Variants in LAMA4 observed in about 807,000 individuals in gnomAD.
The protein encoded by LAMA4 is laminin subunit alpha-4.
LAMA4 carries 127 observed loss-of-function variants against 207.1 expected under a neutral mutation model. The ratio of observed to expected loss-of-function variants is 0.61; its 90% CI spans 0.53 to 0.71. The LOEUF is 0.71. Among genes scored for constraint, LAMA4 ranks in the 30% least tolerant of loss-of-function variants. The probability of loss-of-function intolerance (pLI) is 0.00; values close to 1 mark genes in which losing one functional copy is unlikely to be tolerated. For synonymous variants in LAMA4, 761 were observed against 816.0 expected, an observed-to-expected ratio of 0.93 and a Z score of 1.15; for missense variants, 2,093 against 2,246.5, an observed-to-expected ratio of 0.93 and a Z score of 1.38.
At chr6:112,212,089 C>T (rs1315118369) in intron 3 of LAMA4, among the ~76,000 whole-genome samples, 2 of 151,748 alleles carry the variant, frequency 1.3e-5, no homozygotes, top group African/African-American at 2.4e-5. Flanking sequence ...AAAAGGAGGT[C>T]GATGGAGCAT....
chr6:112,235,617 G>A (rs1233592697), intron 2 of LAMA4, among the ~76,000 whole-genome samples: 2 of 152,156 alleles, frequency 1.3e-5, no homozygotes, highest in African/African-American at 4.8e-5. Flanking sequence ...ATATGGTCTA[G>A]GAATTTTAAA....
intron 28 of LAMA4, among the ~76,000 whole-genome samples, chr6:112,131,642 T>C (rs988287535): frequency 3.3e-5 from 5 of 152,138 alleles, no homozygotes; most frequent in Admixed American, 2.0e-4. Flanking sequence ...ACCAACTTCT[T>C]AAGTCTGCCC....
chr6:112,240,513 T>C (rs1487281131), intron 2 of LAMA4, among the ~76,000 whole-genome samples: 1 of 152,230 alleles, frequency 6.6e-6, no homozygotes, highest in Non-Finnish European at 1.5e-5. Flanking sequence ...ATTTTTTGTG[T>C]GCCCATTAAC....
At chr6:112,254,375 C>CT (rs1787718525) in intron 1 of LAMA4, 84 bp from the exon 2 acceptor site, 1 of 583,790 alleles carries the variant, frequency 1.7e-6, no homozygotes, top group Non-Finnish European at 3.1e-6. Context: ...CTCCCCCTCT[C>CT]TCTCCCTCTC....
At chr6:112,141,228 G>A (rs1554333126) in intron 21 of LAMA4, 130 bp downstream of exon 21, 1 of 953,486 alleles carries the variant, frequency 1.0e-6, no homozygotes, top group African/African-American at 1.6e-5. Context: ...AGAATAAAGG[G>A]AGGAAAATGC....
At position 112,172,699 on chromosome 6, in the gene LAMA4, AGAT is replaced by A. The variant is rs1554342284; in HGVS notation, c.1460_1462del (p.Asp487_Leu488delinsVal). 1 of 1,613,892 alleles carries A rather than the reference AGAT, an allele frequency of 6.2e-7. No homozygotes were observed. Among genetic ancestry groups the A allele is most frequent in the Non-Finnish European group, 8.5e-7 (1 of 1,179,986 alleles). ...AAGGGCCTGGTCAAGTGCTTCCTGG[AGAT>A]CTGACAACTTAGCATTGTAGTCATC... On this transcript the variant is annotated inframe_deletion, in exon 12 of 39. Transcript: ENST00000230538.
At chr6:112,250,769 A>G (rs1292767808) in intron 2 of LAMA4, among the ~76,000 whole-genome samples, 10 of 151,936 alleles carry the variant, frequency 6.6e-5, no homozygotes, top group African/African-American at 2.2e-4. Flanking sequence ...TTTAGTTCCT[A>G]CTTCTTTTTG....
chr6:112,183,226 A>G (rs1026176845), intron 9 of LAMA4, among the ~76,000 whole-genome samples: 1 of 152,224 alleles, frequency 6.6e-6, no homozygotes, highest in Non-Finnish European at 1.5e-5. Context: ...TCTAAGACAC[A>G]GCTTTCCTTA....
intron 12 of LAMA4, among the ~76,000 whole-genome samples, chr6:112,165,917 G>A (rs1372825843): frequency 6.6e-6 from 1 of 152,124 alleles, no homozygotes. Context: ...TCTAGAGGCA[G>A]GGACATTGTG....
intron 3 of LAMA4, among the ~76,000 whole-genome samples, chr6:112,213,180 G>C (rs1784444164): frequency 6.6e-6 from 1 of 152,168 alleles, no homozygotes; most frequent in African/African-American, 2.4e-5. Context: ...TCCCATTCTA[G>C]TTCTGGTCAT....
chr6:112,116,865 T>G (rs976495683), intron 35 of LAMA4, among the ~76,000 whole-genome samples: 18 of 152,148 alleles, frequency 1.2e-4, no homozygotes. Flanking sequence ...CTGAGAATTG[T>G]AAGTGTAGGT....
rs782273506 is a variant in LAMA4, at chr6:112,216,358, C to A, written c.297+10G>T. 1 of 1,578,118 alleles carries A rather than the reference C, an allele frequency of 6.3e-7. No homozygotes were observed. Among genetic ancestry groups the A allele is most frequent in the Non-Finnish European group, 8.7e-7 (1 of 1,147,176 alleles). ...GAAGTACGTGAAGTGTTATAGGTGC[C>A]CCAACTTACCACACAGTATCCTGAG... On this transcript the variant is annotated intron_variant, in intron 3 of 38. Coordinates refer to ENST00000230538, the MANE Select transcript of LAMA4 (RefSeq NM_001105206.3).
At position 112,141,511 on chromosome 6, in the gene LAMA4, A is replaced by G. The variant is rs782644175; in HGVS notation, c.2668-8T>C. On this transcript the variant is annotated splice_polypyrimidine_tract_variant and splice_region_variant and intron_variant, in intron 20 of 38. Transcript: ENST00000230538. ...CATATACTCTTTTTTGGCCTGAAAT[A>G]TCAAGAAGTAAGAAGTCATTTAAAT... 1.9e-6 allele frequency: 3 copies of G among 1,575,400 alleles called. No individual in the cohort carries two copies. The highest frequency in any genetic ancestry group is 2.2e-5 in the South Asian group (2 of 90,270).
intron 12 of LAMA4, among the ~76,000 whole-genome samples, chr6:112,168,277 T>C (rs1781507875): frequency 6.6e-6 from 1 of 150,710 alleles, no homozygotes; most frequent in African/African-American, 2.4e-5. Flanking sequence ...CTGGTGATCA[T>C]TCCAGTGATA....
intron 32 of LAMA4, among the ~76,000 whole-genome samples, chr6:112,120,973 C>T (rs1202377597): frequency 1.3e-5 from 2 of 151,450 alleles, no homozygotes; most frequent in Non-Finnish European, 2.9e-5. Context: ...ACTTGGGAGG[C>T]TAAGGTGGGA....
intron 12 of LAMA4, among the ~76,000 whole-genome samples, chr6:112,169,779 T>C (rs1214497861): frequency 1.3e-5 from 2 of 152,252 alleles, no homozygotes; most frequent in African/African-American, 4.8e-5. Flanking sequence ...GCCATATGCA[T>C]GAAGTTTAAA....
chr6:112,215,003 G>A (rs1784549520), intron 3 of LAMA4, among the ~76,000 whole-genome samples: 1 of 152,190 alleles, frequency 6.6e-6, no homozygotes, highest in Non-Finnish European at 1.5e-5. Flanking sequence ...AGTCTCCACT[G>A]CTTTATATTT....
intron 2 of LAMA4, among the ~76,000 whole-genome samples, chr6:112,238,425 G>C (rs1786094129): frequency 6.6e-6 from 1 of 152,118 alleles, no homozygotes; most frequent in Admixed American, 6.5e-5. Flanking sequence ...TGAATTAAAA[G>C]TTGGCCAGGC....
chr6:112,224,803 A>G (rs1235987828), intron 2 of LAMA4, among the ~76,000 whole-genome samples: 2 of 145,898 alleles, frequency 1.4e-5, no homozygotes, highest in African/African-American at 5.0e-5. Context: ...GCGACAGAGC[A>G]AGACTGTCTC....
Sources: allele counts gnomAD v4.1 joint callset (sites outside exome capture counted in the v4.1 genomes callset), GRCh38; gene constraint gnomAD v4.1.1; transcripts MANE v1.5; gene names NCBI Gene and HGNC (gene_info 2026-07-23, HGNC 2026-07-21).